The following NAV3 variants were observed in gnomAD, a reference collection of about 807,000 sequenced individuals.
The protein encoded by NAV3 is neuron navigator 3.
Under a neutral mutation model 244.7 loss-of-function variants are expected in NAV3, and 87 were observed. The observed-to-expected ratio is 0.36, with a 90% CI of 0.30 to 0.42. NAV3 has a LOEUF of 0.42. Among genes scored for constraint, NAV3 ranks in the 20% least tolerant of loss-of-function variants. NAV3 has a pLI of 1.00. For synonymous variants in NAV3, 1,126 were observed against 1,042.2 expected (o/e 1.08, Z -1.55); for missense variants, 2,663 against 2,893.3 (o/e 0.92, Z 1.83).
At chr12:77,715,569 G>A (rs1211794978) in intron 2 of NAV3, among the ~76,000 whole-genome samples, 1 of 151,726 alleles carries the variant, frequency 6.6e-6, no homozygotes, top group East Asian at 1.9e-4. Flanking sequence ...TAAATTACTA[G>A]GATAAAGATA....
At position 77,729,689 on chromosome 12, in the gene NAV3, TC is replaced by T. The variant is rs563503403; in HGVS notation, c.72+157424del. ...AAGGAAGAAGAGAGAAGGCTGAAATTCTGCAGCAGCAATTCATCTTTCAGAT... is the reference window on the plus strand; with the variant it reads ...AAGGAAGAAGAGAGAAGGCTGAAATTTGCAGCAGCAATTCATCTTTCAGAT... On this transcript the variant is annotated intron_variant, in intron 2 of 8. Coordinates refer to the NAV3 transcript ENST00000550042. Among the ~76,000 whole-genome samples the T allele has an allele frequency of 1.9e-3, 287 of 152,034 alleles. No individual in the cohort carries two copies. In the Middle Eastern group the frequency reaches 0.02, roughly 11 times the overall value.
intron 11 of NAV3, among the ~76,000 whole-genome samples, chr12:78,054,812 C>T (rs374357428): frequency 7.4e-4 from 112 of 151,060 alleles, no homozygotes; most frequent in African/African-American, 2.4e-3. Context: ...AGAGAGAGAG[C>T]GAGAGAGAGA....
rs1261730012 is a variant in NAV3 at position 77,831,169 on chromosome 12, CAGAGAGAGAGAGAGAGAGAGAGAGACAG to C, written c.-271_-244del. On this transcript the variant is annotated 5_prime_UTR_variant, in exon 1 of 40. Transcript: ENST00000397909. ...CACTGAACAGAGAGAGAGAGAGAGA[CAGAGAGAGAGAGAGAGAGAGAGAGACAG>C]AGAGAGAGAGAGAGAGAGAGAAAGA... The C allele has an allele frequency of 4.9e-4, 70 of 143,946 alleles. No homozygotes were observed. Among genetic ancestry groups the C allele is most frequent in the African/African-American group, 2.7e-3 (61 of 22,754 alleles). 8.9% of individuals were successfully genotyped at this position (143,946 alleles called of 1,614,324 possible).
intron 9 of NAV3, among the ~76,000 whole-genome samples, chr12:78,045,097 A>G (rs1278742482): frequency 6.6e-6 from 1 of 152,178 alleles, no homozygotes; most frequent in African/African-American, 2.4e-5. Context: ...ATTTTGAGAT[A>G]CATTCCATAA....
At chr12:78,135,157 G>C (rs1271617380) in intron 18 of NAV3, among the ~76,000 whole-genome samples, 1 of 152,082 alleles carries the variant, frequency 6.6e-6, no homozygotes, top group Non-Finnish European at 1.5e-5. Context: ...TCTTACATTT[G>C]TCTTCTACTG....
intron 24 of NAV3, among the ~76,000 whole-genome samples, chr12:78,174,637 C>G (rs1958144660): frequency 6.6e-6 from 1 of 151,848 alleles, no homozygotes; most frequent in African/African-American, 2.4e-5. Flanking sequence ...CATGGGCAGG[C>G]AGTAGGGGTA....
intron 3 of NAV3, among the ~76,000 whole-genome samples, chr12:77,965,404 G>T (rs779257360): frequency 2.5e-4 from 38 of 152,178 alleles, no homozygotes; most frequent in Non-Finnish European, 4.0e-4. Context: ...TGGATCACTT[G>T]AGGTCAGTGG....
chr12:77,936,866 C>T (rs975196435), intron 1 of NAV3, among the ~76,000 whole-genome samples: 6 of 152,074 alleles, frequency 3.9e-5, no homozygotes, highest in Non-Finnish European at 7.4e-5. Flanking sequence ...GTCCTTTGCT[C>T]GAAGTCTCCT....
At chr12:78,026,017 TC>T (rs1298479634) in intron 9 of NAV3, among the ~76,000 whole-genome samples, 3 of 152,192 alleles carry the variant, frequency 2.0e-5, no homozygotes, top group Non-Finnish European at 4.4e-5. Flanking sequence ...GAGTCATGTA[TC>T]CCCTCTGTTT....
intron 2 of NAV3, among the ~76,000 whole-genome samples, chr12:77,650,166 G>A (rs927496293): frequency 3.3e-5 from 5 of 152,182 alleles, no homozygotes; most frequent in Admixed American, 3.3e-4. Flanking sequence ...CCATAAAGCA[G>A]TCAGTTGGAT....
intron 5 of NAV3, among the ~76,000 whole-genome samples, chr12:77,976,130 GA>G (rs1237839478): frequency 6.6e-6 from 1 of 151,956 alleles, no homozygotes; most frequent in Admixed American, 6.6e-5. Context: ...CTGAAATGAA[GA>G]AAAAAATATG....
intron 12 of NAV3, among the ~76,000 whole-genome samples, chr12:78,102,003 G>A (rs1954559754): frequency 6.6e-6 from 1 of 152,036 alleles, no homozygotes; most frequent in Admixed American, 6.5e-5. Context: ...AATGTGATAG[G>A]ATCTTTTAAA....
At chr12:78,144,019 A>G (rs419115) in intron 20 of NAV3, among the ~76,000 whole-genome samples, 52,592 of 152,014 alleles carry the variant, frequency 0.35, 9,365 homozygotes, top group East Asian at 0.48. Flanking sequence ...AAGGAAGATC[A>G]TGTGACTATT....
At chr12:77,999,228 A>G (rs373595946) in intron 7 of NAV3, among the ~76,000 whole-genome samples, 8 of 152,196 alleles carry the variant, frequency 5.3e-5, no homozygotes, top group East Asian at 3.9e-4. Flanking sequence ...TTGTGCTGTT[A>G]TAAGTAGTAT....
chr12:78,118,221 C>A lies in NAV3; in HGVS notation c.2964C>A (p.Ser988=). Residue 988 remains serine, a synonymous_variant, in exon 14 of 40, where the codon TCC becomes TCA. Transcript: ENST00000397909. Reference sequence around the variant, plus strand: ...CCCTGTCTGTTTCACAGACAGGTTCCTGGAGAAGAGGCATGTCTGCCCAAG... The same window carrying A: ...CCCTGTCTGTTTCACAGACAGGTTCATGGAGAAGAGGCATGTCTGCCCAAG... ...KASLSVSQTG[S]WRRGMSAQGG... is the part of the protein sequence containing the mutation. The A allele has an allele frequency of 6.2e-7, 1 of 1,613,682 alleles. No homozygotes were observed. Among genetic ancestry groups the A allele is most frequent in the Non-Finnish European group, 8.5e-7 (1 of 1,179,866 alleles).
At chr12:77,635,045 A>G (rs759673737) in intron 2 of NAV3, among the ~76,000 whole-genome samples, 1 of 152,074 alleles carries the variant, frequency 6.6e-6, no homozygotes, top group Middle Eastern at 3.2e-3. Context: ...CCTGGCCAAC[A>G]TGGTGAAACC....
At chr12:77,717,766 T>G (rs1219583422) in intron 2 of NAV3, among the ~76,000 whole-genome samples, 3 of 152,090 alleles carry the variant, frequency 2.0e-5, no homozygotes, top group African/African-American at 7.2e-5. Flanking sequence ...AGTGTTATCT[T>G]TTAACTTTTT....
chr12:78,203,840 C>CT (rs11457084), intron 38 of NAV3, among the ~76,000 whole-genome samples: 69,556 of 142,466 alleles, frequency 0.49, 17,884 homozygotes, highest in East Asian at 0.8. Flanking sequence ...TAATATTATA[C>CT]TTTTTTTTTT....
intron 3 of NAV3, among the ~76,000 whole-genome samples, chr12:77,952,420 T>C (rs1037711777): frequency 1.3e-5 from 2 of 152,152 alleles, no homozygotes; most frequent in Admixed American, 1.3e-4. Context: ...AGTATGGGTC[T>C]ACTTCTGGGC....
Sources: gnomAD v4.1 joint callset for allele counts (sites outside exome capture counted in the v4.1 genomes callset) on GRCh38, gnomAD v4.1.1 for gene constraint, MANE v1.5 for transcripts, NCBI Gene and HGNC (gene_info 2026-07-23, HGNC 2026-07-21) for gene names.